The following PAX2 variants were observed in gnomAD, a reference collection of about 807,000 sequenced individuals.
PAX2 encodes the protein paired box 2.
Under a neutral mutation model 41.7 loss-of-function variants are expected in PAX2, and 9 were observed. The ratio of observed to expected loss-of-function variants is 0.22; its 90% CI spans 0.13 to 0.38. PAX2 has a LOEUF of 0.38. Ranked by LOEUF, PAX2 falls within the 10% of genes least tolerant of loss-of-function variation. The pLI, the probability that PAX2 is intolerant of heterozygous loss-of-function variation, is 1.00. For synonymous variants in PAX2, 221 were observed against 212.7 expected (o/e 1.04, Z -0.34); for missense variants, 418 against 531.6 (o/e 0.79, Z 2.10).
Position 100,824,979 on chromosome 10 carries a change from C to A in PAX2, c.1021+230C>A. ...TGCAGAAGTGCCCCCTTGTGTGCAA[C>A]CCACTGTATGTCATGGCCCCTCCAC... On this transcript the variant is annotated intron_variant, in intron 8 of 9. Coordinates refer to ENST00000355243, the MANE Select transcript of PAX2 (RefSeq NM_000278.5). This position sits in a 1 kb window ranked among gnomAD's most constrained non-coding sequence, Gnocchi z 6.6. The A allele has an allele frequency of 7.4e-6, 12 of 1,613,634 alleles. No homozygotes were observed. The highest frequency in any genetic ancestry group is 1.0e-5 in the Non-Finnish European group (12 of 1,179,618).
At chr10:100,770,560 C>T (rs1846175203) in intron 3 of PAX2, among the ~76,000 whole-genome samples, 1 of 152,242 alleles carries the variant, frequency 6.6e-6, no homozygotes, top group Non-Finnish European at 1.5e-5. Flanking sequence ...TATAAACCAT[C>T]ACTATTGCCC....
chr10:100,809,549 G>A (rs962661010), intron 7 of PAX2, among the ~76,000 whole-genome samples: 1 of 152,208 alleles, frequency 6.6e-6, no homozygotes, highest in African/African-American at 2.4e-5. Context: ...AGAATCATGA[G>A]CCTCTTGTTA....
intron 1 of PAX2, chr10:100,749,302 C>G: frequency 1.0e-6 from 1 of 1,002,608 alleles, no homozygotes; most frequent in Non-Finnish European, 1.2e-6. Context: ...CGTCCGCCTC[C>G]AAGCCCCGCA....
chr10:100,737,293 G>A (rs1844804176), intron 1 of PAX2, among the ~76,000 whole-genome samples: 1 of 152,208 alleles, frequency 6.6e-6, no homozygotes, highest in African/African-American at 2.4e-5. Flanking sequence ...ATCCTTGAGT[G>A]CCTGTCAGGG....
chr10:100,817,151 ATCT>A (rs144782961), intron 7 of PAX2, among the ~76,000 whole-genome samples: 3,590 of 152,084 alleles, frequency 0.024, 93 homozygotes, highest in African/African-American at 0.063. Flanking sequence ...CCCAACTCCA[ATCT>A]TCATTTGTGA....
chr10:100,742,243 G>A (rs1406778056), upstream of PAX2, among the ~76,000 whole-genome samples: 1 of 152,244 alleles, frequency 6.6e-6, no homozygotes, highest in Non-Finnish European at 1.5e-5. Flanking sequence ...CAGTGGACTA[G>A]GTCTACACCG....
rs190833210 is a variant in PAX2 at position 100,824,080 on chromosome 10, C to T, written c.920-568C>T. ...ATAGCCCACTGGCTGCCCCCCTGCT[C>T]TCCACACCTGCCAGGACCAGGACCT... On this transcript the variant is annotated intron_variant, in intron 7 of 9. Coordinates refer to ENST00000355243, the MANE Select transcript of PAX2 (RefSeq NM_000278.5). The surrounding 1 kb of genome is among the most constrained non-coding windows in gnomAD (Gnocchi z 6.6). Among the ~76,000 whole-genome samples the T allele has an allele frequency of 5.2e-3, 787 of 152,180 alleles. 3 individuals carry two copies. The highest frequency in any genetic ancestry group is 8.2e-3 in the Non-Finnish European group (557 of 67,996).
At chr10:100,759,265 G>A (rs1182542708) in intron 3 of PAX2, among the ~76,000 whole-genome samples, 1 of 152,166 alleles carries the variant, frequency 6.6e-6, no homozygotes, top group Admixed American at 6.5e-5. Context: ...AGGGGAAGAG[G>A]AAGGTAAGCA....
upstream of PAX2, among the ~76,000 whole-genome samples, chr10:100,743,543 T>C (rs947410811): frequency 1.3e-5 from 2 of 152,098 alleles, no homozygotes; most frequent in African/African-American, 4.8e-5. Flanking sequence ...TGAGCTCCTC[T>C]AAATAAGGAC....
intron 3 of PAX2, among the ~76,000 whole-genome samples, chr10:100,758,824 G>A (rs1845733848): frequency 6.6e-6 from 1 of 152,254 alleles, no homozygotes; most frequent in African/African-American, 2.4e-5. Context: ...CTTAGACCAG[G>A]GCAGTAACAT....
chr10:100,752,390 C>T (rs184958413), intron 3 of PAX2, among the ~76,000 whole-genome samples: 23 of 152,280 alleles, frequency 1.5e-4, no homozygotes, highest in Admixed American at 5.2e-4. Context: ...CTTTAAAAGC[C>T]AGGAGAGGAG....
chr10:100,744,770 TC>T (rs1845088920), upstream of PAX2, among the ~76,000 whole-genome samples: 1 of 152,108 alleles, frequency 6.6e-6, no homozygotes, highest in Non-Finnish European at 1.5e-5. Flanking sequence ...ATCCGCTGGG[TC>T]CCACCGAGGC....
intron 5 of PAX2, among the ~76,000 whole-genome samples, chr10:100,790,576 GC>G (rs1805679055): frequency 6.6e-6 from 1 of 152,190 alleles, no homozygotes. Flanking sequence ...CTATCCCCGG[GC>G]CCTGCTACTC....
At chr10:100,779,117 T>C (rs1033373122) in intron 3 of PAX2, among the ~76,000 whole-genome samples, 8 of 152,072 alleles carry the variant, frequency 5.3e-5, no homozygotes, top group Admixed American at 2.0e-4. Flanking sequence ...CAGGAAGAGA[T>C]GCGTGTGTGG....
rs375104489 is a variant in PAX2, at chr10:100,758,388, C to T, written c.410+7497C>T. On this transcript the variant is annotated intron_variant, in intron 3 of 9. Coordinates refer to ENST00000355243, the MANE Select transcript of PAX2 (RefSeq NM_000278.5). ...ATCTCCTGACCTCGTGATCCGCCCG[C>T]CTCGGCCTCCCAGATTGCTGGGATT... Among the ~76,000 whole-genome samples, 38 of 152,224 alleles carry T rather than the reference C, an allele frequency of 2.5e-4. No individual in the cohort carries two copies. In the Middle Eastern group the frequency reaches 0.01, roughly 41 times the overall value.
At chr10:100,807,497 C>T (rs1318868205) in intron 6 of PAX2, among the ~76,000 whole-genome samples, 2 of 151,804 alleles carry the variant, frequency 1.3e-5, no homozygotes, top group Non-Finnish European at 2.9e-5. Flanking sequence ...CACCTGCTCC[C>T]CCGACCACAG....
At chr10:100,779,700 C>A in intron 4 of PAX2, 117 bp downstream of exon 4, 1 of 765,818 alleles carries the variant, frequency 1.3e-6, no homozygotes, top group Non-Finnish European at 2.3e-6. Flanking sequence ...ACCTATTTGC[C>A]AACTCCTCTC....
At chr10:100,769,001 T>A (rs1846116251) in intron 3 of PAX2, among the ~76,000 whole-genome samples, 1 of 152,260 alleles carries the variant, frequency 6.6e-6, no homozygotes, top group Non-Finnish European at 1.5e-5. Context: ...CTTTTACTAT[T>A]ATTAGATTCA....
Position 100,798,140 on chromosome 10 carries a change from G to T in PAX2, c.617-8290G>T, listed in dbSNP as rs187420869. 6.3e-4 allele frequency among the ~76,000 whole-genome samples: 90 copies of T among 141,734 alleles called. No individual in the cohort carries two copies. In the East Asian group the frequency reaches 0.014, roughly 22 times the overall value. The allele number at this position is 141,734 out of a possible 152,430, so 93.0% of individuals were successfully genotyped here. A position where few individuals can be genotyped will look rare whatever the true frequency, so the allele number is the denominator to read the frequency against. On this transcript the variant is annotated intron_variant, in intron 5 of 9. Transcript: ENST00000355243. The stretch of plus-strand genomic sequence containing the variant: ...TTTTTTTTTTTTTTAGACAGGGTCA[G>T]GGTCTCACTCTGTCTCCCAGGCTGG...
Sources: allele counts gnomAD v4.1 joint callset (sites outside exome capture counted in the v4.1 genomes callset), GRCh38; gene constraint gnomAD v4.1.1; non-coding constraint Gnocchi (gnomAD v3.1); transcripts MANE v1.5; gene names NCBI Gene and HGNC (gene_info 2026-07-23, HGNC 2026-07-21).